The following DEFB118 variants were observed in gnomAD, a reference collection of about 807,000 sequenced individuals.
The protein encoded by DEFB118 is defensin, beta 18.
Under a neutral mutation model 2.8 loss-of-function variants are expected in DEFB118, and 3 were observed. The ratio of observed to expected loss-of-function variants is 1.09; its 90% CI spans 0.50 to 2.82. The LOEUF is 2.82. Ranked by LOEUF, DEFB118 falls within the 30% of genes most tolerant of loss-of-function variation. The pLI is 0.04. For synonymous variants in DEFB118, 63 were observed against 53.5 expected, an observed-to-expected ratio of 1.18 and a Z score of -0.78; for missense variants, 159 against 144.6, an observed-to-expected ratio of 1.10 and a Z score of -0.51.
intron 1 of DEFB118, among the ~76,000 whole-genome samples, chr20:31,372,019 T>C (rs1390759815): frequency 1.3e-5 from 2 of 152,228 alleles, no homozygotes; most frequent in Non-Finnish European, 2.9e-5. Flanking sequence ...AAAGACATTA[T>C]TTTGTTCCTT....
Position 31,372,981 on chromosome 20 carries a change from C to A in DEFB118, c.183C>A (p.Asp61Glu), listed in dbSNP as rs1193453754. The A allele has an allele frequency of 6.8e-6, 11 of 1,614,078 alleles. No homozygotes were observed. Among genetic ancestry groups the A allele is most frequent in the Non-Finnish European group, 7.6e-6 (9 of 1,180,044 alleles). ...CTTGCTGCATTCCATCCAATGAAGACCACAGGCGAGTTCCTGCGACATCTC... is the reference window on the plus strand; with the variant it reads ...CTTGCTGCATTCCATCCAATGAAGAACACAGGCGAGTTCCTGCGACATCTC... Reference protein sequence around the residue: ...LRACCIPSNEDHRRVPATSPT... With the variant: ...LRACCIPSNEEHRRVPATSPT... The change falls in exon 2 of 2, where the codon GAC (aspartate) becomes GAA (glutamate). Residue 61 changes from aspartate (D) to glutamate (E), a missense_variant. Transcript: ENST00000253381.
chr20:31,373,897 T>C lies in DEFB118; in HGVS notation c.*727T>C. ...GAGAGCTTTATTTGTCTCCCTCTGA[T>C]AGCAAAAAAAAAAAAAAAAAAAAAA... is the stretch of plus-strand genomic sequence containing the variant. On this transcript the variant is annotated 3_prime_UTR_variant, in exon 2 of 2. Coordinates refer to ENST00000253381, the MANE Select transcript of DEFB118 (RefSeq NM_054112.3). 1 of 91,526 alleles carries C rather than the reference T, an allele frequency of 1.1e-5. No homozygotes were observed. The highest frequency in any genetic ancestry group is 3.0e-4 in the South Asian group (1 of 3,316). 5.7% of individuals were successfully genotyped at this position (91,526 alleles called of 1,614,324 possible). A position where few individuals can be genotyped will look rare whatever the true frequency, so the allele number is the denominator to read the frequency against.
chr20:31,368,938 AGAAAC>A (rs1986164245), intron 1 of DEFB118, among the ~76,000 whole-genome samples: 1 of 152,194 alleles, frequency 6.6e-6, no homozygotes, highest in Non-Finnish European at 1.5e-5. Context: ...TTGCCGCCTA[AGAAAC>A]TAGGGGAAAG....
At chr20:31,372,546 TA>T (rs904553252) in intron 1 of DEFB118, among the ~76,000 whole-genome samples, 5 of 151,052 alleles carry the variant, frequency 3.3e-5, no homozygotes, top group African/African-American at 9.7e-5. Flanking sequence ...AGACTCCATC[TA>T]AAAAAAAAGA....
At chr20:31,371,752 T>C (rs1034924332) in intron 1 of DEFB118, among the ~76,000 whole-genome samples, 1 of 152,218 alleles carries the variant, frequency 6.6e-6, no homozygotes, top group Non-Finnish European at 1.5e-5. Context: ...ATGAATTGTA[T>C]AGTGGTGAAG....
chr20:31,370,439 A>T (rs990196996), intron 1 of DEFB118, among the ~76,000 whole-genome samples: 22 of 152,090 alleles, frequency 1.4e-4, no homozygotes, highest in African/African-American at 4.6e-4. Flanking sequence ...AGTTATAAAA[A>T]CTCAGCATAT....
chr20:31,373,261 C>CG lies in DEFB118; in HGVS notation c.*91_*92insG. On this transcript the variant is annotated 3_prime_UTR_variant, in exon 2 of 2. Coordinates refer to ENST00000253381, the MANE Select transcript of DEFB118 (RefSeq NM_054112.3). ...ACTGAAAACACCACAGTGACCCTCC[C>CG]ACCCCCCACCAATATGTAATTCTAT... is the stretch of plus-strand genomic sequence containing the variant. 9.0e-7 allele frequency: 1 copy of CG among 1,108,156 alleles called. No homozygotes were observed. The highest frequency in any genetic ancestry group is 2.5e-5 in the Admixed American group (1 of 39,876). The allele number at this position is 1,108,156 out of a possible 1,614,324, so 68.6% of individuals were successfully genotyped here.
At chr20:31,372,339 C>T (rs976859674) in intron 1 of DEFB118, among the ~76,000 whole-genome samples, 5 of 152,128 alleles carry the variant, frequency 3.3e-5, no homozygotes, top group Non-Finnish European at 7.3e-5. Flanking sequence ...ATCATGAGGT[C>T]AAGAGATCGA....
At position 31,373,062 on chromosome 20, in the gene DEFB118, G is replaced by T; in HGVS notation, c.264G>T (p.Arg88Ser). The T allele has an allele frequency of 6.2e-7, 1 of 1,614,180 alleles. No homozygotes were observed. The highest frequency in any genetic ancestry group is 8.5e-7 in the Non-Finnish European group (1 of 1,180,032). The stretch of plus-strand genomic sequence containing the variant: ...TTATTGATGATATTTTAACAGTAAG[G>T]TTCACGACAGACTACTTTGAAGTAA... ...PGIIDDILTVRFTTDYFEVSS... is the reference protein window; with the variant it reads ...PGIIDDILTVSFTTDYFEVSS... The change falls in exon 2 of 2, where the codon AGG (arginine) becomes AGT (serine). Residue 88 changes from arginine to serine, a missense_variant. By Grantham distance (110) the Arg-to-Ser change is moderately radical (BLOSUM62 -1). Coordinates refer to ENST00000253381, the MANE Select transcript of DEFB118 (RefSeq NM_054112.3).
intron 1 of DEFB118, among the ~76,000 whole-genome samples, chr20:31,369,844 G>A (rs535634644): frequency 2.0e-5 from 3 of 151,672 alleles, no homozygotes; most frequent in African/African-American, 2.4e-5. Context: ...CTTAATTTTC[G>A]AACAAGACAT....
At chr20:31,370,154 C>T (rs1986190014) in intron 1 of DEFB118, among the ~76,000 whole-genome samples, 2 of 152,100 alleles carry the variant, frequency 1.3e-5, no homozygotes, top group Admixed American at 1.3e-4. Context: ...CCATGAAACT[C>T]CTGCTGCTGG....
At chr20:31,371,863 T>G (rs979341627) in intron 1 of DEFB118, among the ~76,000 whole-genome samples, 1 of 151,964 alleles carries the variant, frequency 6.6e-6, no homozygotes, top group Non-Finnish European at 1.5e-5. Context: ...CTTCTGAGTC[T>G]CCAATGTCCA....
intron 1 of DEFB118, among the ~76,000 whole-genome samples, chr20:31,369,385 G>GTTTTTTTTTTTTTTTTTTT: frequency 9.6e-6 from 1 of 103,916 alleles, no homozygotes; most frequent in Non-Finnish European, 1.8e-5. Flanking sequence ...GCACTCTTGT[G>GTTTTTTTTTTTTTTTTTTT]TTTTTTTTTT....
intron 1 of DEFB118, among the ~76,000 whole-genome samples, chr20:31,369,391 T>TG (rs1481018777): frequency 1.4e-5 from 2 of 145,138 alleles, no homozygotes; most frequent in African/African-American, 5.3e-5. Flanking sequence ...TTGTGTTTTT[T>TG]TTTTTTTTTT....
chr20:31,369,396 T>TG (rs1986174250), intron 1 of DEFB118, among the ~76,000 whole-genome samples: 1 of 148,086 alleles, frequency 6.8e-6, no homozygotes. Context: ...TTTTTTTTTT[T>TG]TTTTTTTTTT....
Position 31,373,011 on chromosome 20 carries a change from A to G in DEFB118, c.213A>G (p.Thr71=), listed in dbSNP as rs758156421. The G allele has an allele frequency of 6.2e-7, 1 of 1,614,150 alleles. No homozygotes were observed. The highest frequency in any genetic ancestry group is 8.5e-7 in the Non-Finnish European group (1 of 1,180,036). ...DHRRVPATSP[T]PLSDSTPGII... ...GGCGAGTTCCTGCGACATCTCCCAC[A>G]CCCTTGAGTGACTCAACACCAGGAA... The change falls in exon 2 of 2, where the codon ACA becomes ACG. Residue 71 remains threonine (T), a synonymous_variant. Coordinates refer to ENST00000253381, the MANE Select transcript of DEFB118 (RefSeq NM_054112.3).
rs748939859 is a variant in DEFB118, at chr20:31,373,142, C to A, written c.344C>A (p.Ser115Tyr). 2 of 1,613,808 alleles carry A rather than the reference C, an allele frequency of 1.2e-6. No homozygotes were observed. Among genetic ancestry groups the A allele is most frequent in the Non-Finnish European group, 1.7e-6 (2 of 1,179,932 alleles). Residue 115 changes from serine to tyrosine, a missense_variant, in exon 2 of 2, where the codon TCT becomes TAT. Transcript: ENST00000253381. ...GAGGCGGGAAGGGGAACTGAGACCT[C>A]TCTTCCAAATGTTCACCATAGCTCA... ...ESEAGRGTETSLPNVHHSS is the reference protein window; with the variant it reads ...ESEAGRGTETYLPNVHHSS
At position 31,372,317 on chromosome 20, in the gene DEFB118, C is replaced by T. The variant is rs540821996; in HGVS notation, c.59-540C>T. On this transcript the variant is annotated intron_variant, in intron 1 of 1. Coordinates refer to ENST00000253381, the MANE Select transcript of DEFB118 (RefSeq NM_054112.3). The stretch of plus-strand genomic sequence containing the variant: ...CTGTAATCCCAGCACTTTGGGAGGC[C>T]GAAGTGGGTGGATCATGAGGTCAAG... 1.6e-4 allele frequency among the ~76,000 whole-genome samples: 24 copies of T among 152,192 alleles called. No homozygotes were observed. The South Asian group carries it at 4.8e-3, about 30-fold the overall frequency.
At chr20:31,368,874 A>G (rs886169144) in intron 1 of DEFB118, among the ~76,000 whole-genome samples, 166 bp downstream of exon 1, 3 of 152,160 alleles carry the variant, frequency 2.0e-5, no homozygotes, top group African/African-American at 7.2e-5. Flanking sequence ...AGTTATCCTC[A>G]ATAGACAGGG....
Sources: allele counts gnomAD v4.1 joint callset (sites outside exome capture counted in the v4.1 genomes callset), GRCh38; gene constraint gnomAD v4.1.1; transcripts MANE v1.5; gene names NCBI Gene and HGNC (gene_info 2026-07-23, HGNC 2026-07-21).